Variants in RD3L observed in about 807,000 individuals in gnomAD.
RD3L encodes protein RD3-like.
In RD3L, 6 loss-of-function variants were observed where a neutral mutation model predicts 12.5. That is an observed-to-expected ratio of 0.48 (90% CI 0.26 to 0.95). The LOEUF (loss-of-function observed/expected upper bound fraction) is 0.95. RD3L is among the 40% of genes least tolerant of loss of function. RD3L has a pLI of 0.14. For synonymous variants in RD3L, 87 were observed against 79.3 expected, an observed-to-expected ratio of 1.10 and a Z score of -0.52; for missense variants, 234 against 228.6, an observed-to-expected ratio of 1.02 and a Z score of -0.15.
rs547730319 is a variant in RD3L at position 103,941,709 on chromosome 14, A to T, written c.-7-7T>A. 6.8e-7 allele frequency: 1 copy of T among 1,479,554 alleles called. No individual in the cohort carries two copies. The highest frequency in any genetic ancestry group is 1.4e-5 in the African/African-American group (1 of 70,708). 91.7% of individuals were successfully genotyped at this position (1,479,554 alleles called of 1,614,324 possible). A position where few individuals can be genotyped will look rare whatever the true frequency, so the allele number is the denominator to read the frequency against. On this transcript the variant is annotated splice_polypyrimidine_tract_variant and splice_region_variant and intron_variant, in intron 1 of 2. Coordinates refer to ENST00000557640, the MANE Select transcript of RD3L (RefSeq NM_001257268.2). ...AAAAAGTGGCATTTTTAGCCTATGGAAATATTTTCACTTGTTTATTTGCTC... is the reference window on the plus strand; with the variant it reads ...AAAAAGTGGCATTTTTAGCCTATGGTAATATTTTCACTTGTTTATTTGCTC...
Position 103,940,735 on chromosome 14 carries a change from C to T in RD3L, c.*71G>A, listed in dbSNP as rs1222242123. The T allele has an allele frequency of 9.5e-7, 1 of 1,048,200 alleles. No individual in the cohort carries two copies. Among genetic ancestry groups the T allele is most frequent in the African/African-American group, 1.6e-5 (1 of 62,772 alleles). The allele number at this position is 1,048,200 out of a possible 1,614,324, so 64.9% of individuals were successfully genotyped here. Reference sequence around the variant, plus strand: ...TGTAACAAAGAAAAACTTGAAGTCACATCACTTTTTCTTATTCTTAATATT... The same window carrying T: ...TGTAACAAAGAAAAACTTGAAGTCATATCACTTTTTCTTATTCTTAATATT... On this transcript the variant is annotated 3_prime_UTR_variant, in exon 3 of 3. Transcript: ENST00000557640.
At position 103,941,483 on chromosome 14, in the gene RD3L, G is replaced by A; in HGVS notation, c.213C>T (p.His71=). 6.5e-7 allele frequency: 1 copy of A among 1,535,316 alleles called. No individual in the cohort carries two copies. Among genetic ancestry groups the A allele is most frequent in the Admixed American group, 2.0e-5 (1 of 50,992 alleles). ...YNWLRNYQNP[H]TTIPVTEQRQ... ...TTTGTTCAGTCACTGGGATAGTTGT[G>A]TGGGGATTCTGGTAGTTTCTGAGCC... The change falls in exon 2 of 3, where the codon CAC becomes CAT. Residue 71 remains histidine (H), a synonymous_variant. Transcript: ENST00000557640.
Position 103,941,444 on chromosome 14 carries a change from A to G in RD3L, c.252T>C (p.Val84=). ...GGCAAGGTTGAACTTGTGAGCAAAG[A>G]ACTTCAAGTTGTCTTTGTTCAGTCA... ...IPVTEQRQLE[V]LCSQVQPCQT... is the part of the protein sequence containing the mutation. Residue 84 remains valine (V), a synonymous_variant, in exon 2 of 3, where the codon GTT becomes GTC. Transcript: ENST00000557640. The G allele has an allele frequency of 6.5e-7, 1 of 1,535,394 alleles. No homozygotes were observed. The highest frequency in any genetic ancestry group is 8.7e-7 in the Non-Finnish European group (1 of 1,146,680).
chr14:103,941,328 C>A (rs1003178311), intron 2 of RD3L, 69 bp downstream of exon 2: 13 of 1,165,600 alleles, frequency 1.1e-5, no homozygotes, highest in Admixed American at 2.6e-5. Flanking sequence ...AATACAGTTT[C>A]TAGTCAAAAT....
intron 1 of RD3L, 132 bp downstream of exon 1, chr14:103,941,960 A>T (rs1405398063): frequency 2.4e-6 from 1 of 410,128 alleles, no homozygotes; most frequent in Admixed American, 4.2e-5. Context: ...ATATAGACTG[A>T]ATGATATCCG....
chr14:103,940,743 TTTCTTA>T lies in RD3L; in HGVS notation c.*57_*62del. ...AGAAAAACTTGAAGTCACATCACTTTTTCTTATTCTTAATATTAGGAGTTCTAAGGT... is the reference window on the plus strand; with the variant it reads ...AGAAAAACTTGAAGTCACATCACTTTTTCTTAATATTAGGAGTTCTAAGGT... On this transcript the variant is annotated 3_prime_UTR_variant, in exon 3 of 3. Coordinates refer to ENST00000557640, the MANE Select transcript of RD3L (RefSeq NM_001257268.2). The T allele has an allele frequency of 8.7e-7, 1 of 1,145,608 alleles. No homozygotes were observed. Among genetic ancestry groups the T allele is most frequent in the South Asian group, 1.5e-5 (1 of 65,360 alleles). 71.0% of individuals were successfully genotyped at this position (1,145,608 alleles called of 1,614,324 possible). A position where few individuals can be genotyped will look rare whatever the true frequency, so the allele number is the denominator to read the frequency against.
At position 103,941,783 on chromosome 14, in the gene RD3L, TG is replaced by T. The variant is rs2031252474; in HGVS notation, c.-7-82del. 3 of 1,137,568 alleles carry T rather than the reference TG, an allele frequency of 2.6e-6. No individual in the cohort carries two copies. The African/African-American group carries it at 4.7e-5, about 18-fold the overall frequency. The allele number at this position is 1,137,568 out of a possible 1,614,324, so 70.5% of individuals were successfully genotyped here. On this transcript the variant is annotated intron_variant, in intron 1 of 2. Coordinates refer to ENST00000557640, the MANE Select transcript of RD3L (RefSeq NM_001257268.2). ...AATATTTGTTTCTTTACAATAAATT[TG>T]CCCGAAAAGTGCACGATTTTTTTTC...
Position 103,942,088 on chromosome 14 carries a change from T to C in RD3L, c.-8+4A>G, listed in dbSNP as rs1030678210. 2.7e-5 allele frequency: 5 copies of C among 184,806 alleles called. No homozygotes were observed. Among genetic ancestry groups the C allele is most frequent in the African/African-American group, 1.2e-4 (5 of 41,864 alleles). 11.4% of individuals were successfully genotyped at this position (184,806 alleles called of 1,614,324 possible). A position where few individuals can be genotyped will look rare whatever the true frequency, so the allele number is the denominator to read the frequency against. On this transcript the variant is annotated splice_donor_region_variant and intron_variant, in intron 1 of 2. Coordinates refer to ENST00000557640, the MANE Select transcript of RD3L (RefSeq NM_001257268.2). Reference sequence around the variant, plus strand: ...GTTTTGGACAGAAAAGGTTTAAAGCTTACCTGTTAAGTTGATGGGCTGATG... The same window carrying C: ...GTTTTGGACAGAAAAGGTTTAAAGCCTACCTGTTAAGTTGATGGGCTGATG...
At position 103,942,205 on chromosome 14, in the gene RD3L, A is replaced by C. The variant is rs2031280214; in HGVS notation, c.-121T>G. The C allele has an allele frequency of 6.5e-6, 1 of 153,076 alleles. No homozygotes were observed. Among genetic ancestry groups the C allele is most frequent in the East Asian group, 1.9e-4 (1 of 5,206 alleles). The allele number at this position is 153,076 out of a possible 1,614,324, so 9.5% of individuals were successfully genotyped here. On this transcript the variant is annotated 5_prime_UTR_variant, in exon 1 of 3. The change creates a new upstream start codon in the 5' untranslated region. Transcript: ENST00000557640. ...TCCTAGGTGTGTCCTCTGTAGAAGG[A>C]ATGCGCCACCTTATTTACCCACCGA...
Position 103,941,669 on chromosome 14 carries a change from C to T in RD3L, c.27G>A (p.Trp9Ter), listed in dbSNP as rs1055329716. Residue 9 changes from tryptophan (W) to a stop codon, truncating the protein, a stop_gained, in exon 2 of 3, where the codon TGG (tryptophan) becomes TGA (stop). Transcript: ENST00000557640. LOFTEE classifies it high-confidence loss of function. ...TGGGTTTGTAGGAATCGTTTTTGGG[C>T]CATTTCATCCAGCCAAAAAGTGGCA... MPLFGWMK[W>*]PKNDSYKPTH... The T allele has an allele frequency of 4.6e-6, 7 of 1,520,460 alleles. No individual in the cohort carries two copies. In the African/African-American group the frequency reaches 9.7e-5, roughly 21 times the overall value. The allele number at this position is 1,520,460 out of a possible 1,614,324, so 94.2% of individuals were successfully genotyped here. A position where few individuals can be genotyped will look rare whatever the true frequency, so the allele number is the denominator to read the frequency against.
chr14:103,941,740 G>A, intron 1 of RD3L, 38 bp from the exon 2 acceptor site: 2 of 1,354,626 alleles, frequency 1.5e-6, no homozygotes, highest in East Asian at 2.5e-5. Context: ...TGCTCAAAAT[G>A]TTATGTTCTT....
chr14:103,942,454 C>T lies in RD3L; in HGVS notation c.-370G>A, dbSNP rs1238047598. 2.6e-5 allele frequency: 4 copies of T among 152,122 alleles called. No homozygotes were observed. Among genetic ancestry groups the T allele is most frequent in the African/African-American group, 4.8e-5 (2 of 41,422 alleles). 9.4% of individuals were successfully genotyped at this position (152,122 alleles called of 1,614,324 possible). A position where few individuals can be genotyped will look rare whatever the true frequency, so the allele number is the denominator to read the frequency against. ...ATAGATGCTGGTCCTAAATGCATTC[C>T]GACATGTCTTTGGTAGTGAAACGAA... On this transcript the variant is annotated 5_prime_UTR_variant, in exon 1 of 3. Transcript: ENST00000557640.
chr14:103,940,779 A>G lies in RD3L; in HGVS notation c.*27T>C. ...TAATATTAGGAGTTCTAAGGTGTTC[A>G]TAAAAACCCCTCTAGTTGTAAGTAA... On this transcript the variant is annotated 3_prime_UTR_variant, in exon 3 of 3. Coordinates refer to ENST00000557640, the MANE Select transcript of RD3L (RefSeq NM_001257268.2). 3 of 1,491,078 alleles carry G rather than the reference A, an allele frequency of 2.0e-6. No individual in the cohort carries two copies. Among genetic ancestry groups the G allele is most frequent in the South Asian group, 1.2e-5 (1 of 82,642 alleles). The allele number at this position is 1,491,078 out of a possible 1,614,324, so 92.4% of individuals were successfully genotyped here.
At position 103,940,811 on chromosome 14, in the gene RD3L, T is replaced by C. The variant is rs1440424868; in HGVS notation, c.592A>G (p.Ser198Gly). The change falls in exon 3 of 3, where the codon AGT (serine) becomes GGT (glycine). Residue 198 changes from serine to glycine, a missense_variant. Physicochemically the swap from Ser to Gly is moderately conservative, Grantham distance 56 (BLOSUM62 0). Coordinates refer to ENST00000557640, the MANE Select transcript of RD3L (RefSeq NM_001257268.2). ...IWNLPYYHPS[S>G] ...CCCCTCTAGTTGTAAGTAACTTAAC[T>C]AGATGGGTGATAATATGGTAGGTTC... is the stretch of plus-strand genomic sequence containing the variant. The C allele has an allele frequency of 6.5e-7, 1 of 1,533,672 alleles. No individual in the cohort carries two copies. Among genetic ancestry groups the C allele is most frequent in the East Asian group, 2.4e-5 (1 of 40,904 alleles).
At position 103,941,016 on chromosome 14, in the gene RD3L, G is replaced by A. The variant is rs1235257727; in HGVS notation, c.387C>T (p.Ser129=). Residue 129 remains serine, a synonymous_variant, in exon 3 of 3, where the codon AGC becomes AGT. Coordinates refer to ENST00000557640, the MANE Select transcript of RD3L (RefSeq NM_001257268.2). ...CCTCTTGCTCACTCCCTCTGTCAGA[G>A]CTGCTTAGGAAGTCTTTCAGAACTT... The part of the protein sequence containing the change: ...FKQVLKDFLS[S]SDRGSEQEDL... The A allele has an allele frequency of 2.0e-6, 3 of 1,535,346 alleles. No individual in the cohort carries two copies. The highest frequency in any genetic ancestry group is 1.7e-4 in the Middle Eastern group (1 of 5,984).
chr14:103,941,030 C>G lies in RD3L; in HGVS notation c.373G>C (p.Asp125His). ...CCTCTGTCAGAGCTGCTTAGGAAGT[C>G]TTTCAGAACTTGCTTGAAGATGTAG... ...IVYIFKQVLKDFLSSSDRGSE... is the reference protein window; with the variant it reads ...IVYIFKQVLKHFLSSSDRGSE... The change falls in exon 3 of 3, where the codon GAC (aspartate) becomes CAC (histidine). Residue 125 changes from aspartate (D) to histidine (H), a missense_variant. By Grantham distance (81) the Asp-to-His change is moderately conservative (BLOSUM62 -1). Coordinates refer to ENST00000557640, the MANE Select transcript of RD3L (RefSeq NM_001257268.2). The G allele has an allele frequency of 6.5e-7, 1 of 1,535,372 alleles. No individual in the cohort carries two copies. The highest frequency in any genetic ancestry group is 8.7e-7 in the Non-Finnish European group (1 of 1,146,644).
intron 1 of RD3L, 91 bp from the exon 2 acceptor site, chr14:103,941,793 G>T: frequency 1.1e-6 from 1 of 932,286 alleles, no homozygotes; most frequent in Non-Finnish European, 1.5e-6. Flanking sequence ...TGCCCGAAAA[G>T]TGCACGATTT....
Position 103,940,981 on chromosome 14 carries a change from T to C in RD3L, c.422A>G (p.Asp141Gly). 1 of 1,535,438 alleles carries C rather than the reference T, an allele frequency of 6.5e-7. No individual in the cohort carries two copies. The highest frequency in any genetic ancestry group is 8.7e-7 in the Non-Finnish European group (1 of 1,146,728). Residue 141 changes from aspartate (D) to glycine (G), a missense_variant, in exon 3 of 3, where the codon GAC becomes GGC. Transcript: ENST00000557640. ...AGCAGAGCAGTCCATGCTCCCTGAGTCCTCCAGGTCCTCTTGCTCACTCCC... is the reference window on the plus strand; with the variant it reads ...AGCAGAGCAGTCCATGCTCCCTGAGCCCTCCAGGTCCTCTTGCTCACTCCC... ...DRGSEQEDLE[D>G]SGSMDCSAPS...
intron 1 of RD3L, 61 bp from the exon 2 acceptor site, chr14:103,941,763 T>C (rs1482289673): frequency 1.6e-6 from 2 of 1,252,962 alleles, no homozygotes. Flanking sequence ...GAGCAAATAT[T>C]TGTTTCTTTA....
Sources: allele counts gnomAD v4.1 joint callset, GRCh38; gene constraint gnomAD v4.1.1; transcripts MANE v1.5; gene names NCBI Gene and HGNC (gene_info 2026-07-23, HGNC 2026-07-21).